The following ELAPOR2 variants were observed in gnomAD, a reference collection of about 807,000 sequenced individuals.
ELAPOR2 encodes the protein endosome-lysosome associated apoptosis and autophagy regulator family member 2.
Under a neutral mutation model 120.7 loss-of-function variants are expected in ELAPOR2, and 89 were observed. The ratio of observed to expected loss-of-function variants is 0.74; its 90% CI spans 0.62 to 0.88. The LOEUF (loss-of-function observed/expected upper bound fraction) is 0.88, where lower values mean the gene tolerates loss of function less well. ELAPOR2 is among the 40% of genes least tolerant of loss of function. The probability of loss-of-function intolerance (pLI) is 0.00; values close to 1 mark genes in which losing one functional copy is unlikely to be tolerated. For missense variants in ELAPOR2, 1,134 were observed against 1,251.6 expected (o/e 0.91, Z 1.42); for synonymous variants, 444 against 444.9 (o/e 1.00, Z 0.03).
intron 16 of ELAPOR2, among the ~76,000 whole-genome samples, chr7:86,908,815 T>C (rs1370501911): frequency 6.6e-6 from 1 of 152,104 alleles, no homozygotes; most frequent in Non-Finnish European, 1.5e-5. Context: ...CAAGCAGTAA[T>C]TCGATAATCT....
intron 12 of ELAPOR2, among the ~76,000 whole-genome samples, chr7:86,915,180 T>C (rs1273873392): frequency 1.3e-5 from 2 of 152,110 alleles, no homozygotes; most frequent in African/African-American, 4.8e-5. Flanking sequence ...GCTTGGGATA[T>C]ATACTTAGAA....
chr7:87,046,088 A>T (rs1330827892), intron 1 of ELAPOR2, among the ~76,000 whole-genome samples: 6 of 152,040 alleles, frequency 3.9e-5, no homozygotes, highest in Non-Finnish European at 8.8e-5. Flanking sequence ...TAGGACTGAT[A>T]AAAAAAATTC....
At chr7:86,970,643 G>C (rs1792077381) in intron 1 of ELAPOR2, among the ~76,000 whole-genome samples, 1 of 152,164 alleles carries the variant, frequency 6.6e-6, no homozygotes, top group South Asian at 2.1e-4. Flanking sequence ...ACTTAATGCA[G>C]AAATACATGC....
chr7:86,926,724 T>C lies in ELAPOR2; in HGVS notation c.1270+12A>G, dbSNP rs373288317. ...GCTAAAGGCCCAGTTATTGGACCAA[T>C]TGACATCCTACCTTTGGTTCCATCT... On this transcript the variant is annotated intron_variant, in intron 9 of 21. Transcript: ENST00000450689. 3.8e-6 allele frequency: 6 copies of C among 1,599,582 alleles called. No homozygotes were observed. The highest frequency in any genetic ancestry group is 2.3e-5 in the East Asian group (1 of 44,428).
intron 19 of ELAPOR2, among the ~76,000 whole-genome samples, chr7:86,896,438 G>GAAT (rs1788441052): frequency 6.6e-6 from 1 of 151,978 alleles, no homozygotes; most frequent in African/African-American, 2.4e-5. Context: ...CAAATACTTG[G>GAAT]AATGCATGGG....
Position 86,998,320 on chromosome 7 carries a change from T to C in ELAPOR2, c.190-33296A>G, listed in dbSNP as rs567799012. Among the ~76,000 whole-genome samples, 4 of 152,276 alleles carry C rather than the reference T, an allele frequency of 2.6e-5. No individual in the cohort carries two copies. The East Asian group carries it at 7.7e-4, about 29-fold the overall frequency. On this transcript the variant is annotated intron_variant, in intron 1 of 21. Transcript: ENST00000450689. ...TTAAAGTATTTTATCATCCATTAGCTCACAGTGATCTCCACTGCAAGTCTT... is the reference window on the plus strand; with the variant it reads ...TTAAAGTATTTTATCATCCATTAGCCCACAGTGATCTCCACTGCAAGTCTT...
At chr7:86,895,465 A>G (rs1788395325) in intron 19 of ELAPOR2, among the ~76,000 whole-genome samples, 2 of 152,094 alleles carry the variant, frequency 1.3e-5, no homozygotes, top group South Asian at 4.1e-4. Context: ...AGAAGGATAT[A>G]TTTAACTACT....
chr7:86,993,524 A>C (rs569427312), intron 1 of ELAPOR2, among the ~76,000 whole-genome samples: 19 of 152,228 alleles, frequency 1.2e-4, no homozygotes, highest in Non-Finnish European at 2.8e-4. Context: ...AGGTTATTAA[A>C]ATAAGAGGAA....
intron 1 of ELAPOR2, among the ~76,000 whole-genome samples, chr7:86,994,960 C>CT (rs1474099130): frequency 6.6e-6 from 1 of 152,042 alleles, no homozygotes; most frequent in East Asian, 1.9e-4. Flanking sequence ...GAAAACCGAG[C>CT]TTTTTTATAT....
chr7:86,982,919 A>G (rs1792560636), intron 1 of ELAPOR2, among the ~76,000 whole-genome samples: 1 of 152,222 alleles, frequency 6.6e-6, no homozygotes, highest in African/African-American at 2.4e-5. Flanking sequence ...AACCCATCGC[A>G]AGGAAGCTAA....
intron 1 of ELAPOR2, among the ~76,000 whole-genome samples, chr7:87,051,623 T>C (rs931592452): frequency 2.0e-5 from 3 of 152,228 alleles, no homozygotes; most frequent in African/African-American, 7.2e-5. Flanking sequence ...GGTTAATTTG[T>C]TGAAGGTCAC....
chr7:86,961,755 G>C (rs1791716657), intron 2 of ELAPOR2, among the ~76,000 whole-genome samples: 1 of 152,222 alleles, frequency 6.6e-6, no homozygotes. Context: ...TTAAAACAAA[G>C]AGTGTTGTGG....
At chr7:86,896,110 A>G (rs1788425078) in intron 19 of ELAPOR2, among the ~76,000 whole-genome samples, 1 of 152,120 alleles carries the variant, frequency 6.6e-6, no homozygotes, top group African/African-American at 2.4e-5. Flanking sequence ...GACAAATTAA[A>G]TAACACATTT....
intron 20 of ELAPOR2, among the ~76,000 whole-genome samples, chr7:86,892,621 T>C (rs1788218801): frequency 6.6e-6 from 1 of 152,082 alleles, no homozygotes; most frequent in Non-Finnish European, 1.5e-5. Context: ...AGAGAATACC[T>C]GCCTTCCAAA....
intron 21 of ELAPOR2, 90 bp from the exon 22 acceptor site, chr7:86,880,620 T>C: frequency 1.2e-6 from 1 of 844,080 alleles, no homozygotes; most frequent in Admixed American, 2.2e-5. Flanking sequence ...GTTCCAGAAA[T>C]CATTTTAACC....
intron 10 of ELAPOR2, among the ~76,000 whole-genome samples, chr7:86,924,664 T>G (rs979356731): frequency 1.3e-4 from 20 of 152,124 alleles, no homozygotes; most frequent in African/African-American, 4.3e-4. Context: ...CCTCTTTCAC[T>G]CATCTGTTTA....
chr7:87,027,353 A>G (rs1794277384), intron 1 of ELAPOR2, among the ~76,000 whole-genome samples: 1 of 152,192 alleles, frequency 6.6e-6, no homozygotes, highest in African/African-American at 2.4e-5. Flanking sequence ...CAAATGACAC[A>G]TACGACTGGA....
chr7:87,013,202 T>C (rs905831901), intron 1 of ELAPOR2, among the ~76,000 whole-genome samples: 7 of 152,140 alleles, frequency 4.6e-5, no homozygotes, highest in African/African-American at 1.7e-4. Flanking sequence ...TAGAAGAGAA[T>C]GAAGCTCAAG....
intron 21 of ELAPOR2, chr7:86,891,205 A>G (rs567831603): frequency 1.3e-5 from 2 of 151,992 alleles, no homozygotes; most frequent in East Asian, 1.9e-4. Flanking sequence ...TGAATGTAAT[A>G]TCTTTTATTA....
Sources: allele counts gnomAD v4.1 joint callset (sites outside exome capture counted in the v4.1 genomes callset), GRCh38; gene constraint gnomAD v4.1.1; transcripts MANE v1.5; gene names NCBI Gene and HGNC (gene_info 2026-07-23, HGNC 2026-07-21).